Variants in ECT2L observed in about 807,000 individuals in gnomAD.
ECT2L encodes epithelial cell-transforming sequence 2 oncogene-like.
ECT2L carries 126 observed loss-of-function variants against 122.8 expected under a neutral mutation model. That is an observed-to-expected ratio of 1.03 (90% CI 0.89 to 1.19). The LOEUF (loss-of-function observed/expected upper bound fraction) is 1.19, where lower values mean the gene tolerates loss of function less well. Among genes scored for constraint, ECT2L ranks in the 50% most tolerant of loss-of-function variants. The probability of loss-of-function intolerance (pLI) is 0.00; values close to 1 mark genes in which losing one functional copy is unlikely to be tolerated. For missense variants in ECT2L, 1,012 were observed against 1,064.1 expected (o/e 0.95, Z 0.68); for synonymous variants, 385 against 381.8 (o/e 1.01, Z -0.10).
intron 5 of ECT2L, among the ~76,000 whole-genome samples, chr6:138,842,708 C>A (rs993123617): frequency 6.8e-6 from 1 of 146,048 alleles, no homozygotes; most frequent in African/African-American, 2.5e-5. Flanking sequence ...GGAGGCGGAG[C>A]TTGCAATGAG....
chr6:138,843,126 T>C lies in ECT2L; in HGVS notation c.490T>C (p.Tyr164His), dbSNP rs1203242924. 1 of 1,614,034 alleles carries C rather than the reference T, an allele frequency of 6.2e-7. No individual in the cohort carries two copies. Among genetic ancestry groups the C allele is most frequent in the Non-Finnish European group, 8.5e-7 (1 of 1,180,000 alleles). ...GACACCTAGGGAGGCTGCTGCTACT[T>C]ATGGGACGCTGAATGAACCCAAAAC... ...WLTPREAAAT[Y>H]GTLNEPKTED... The change falls in exon 6 of 22, where the codon TAT (tyrosine) becomes CAT (histidine). Residue 164 changes from tyrosine (Y) to histidine (H), a missense_variant. Coordinates refer to ENST00000541398, the MANE Select transcript of ECT2L (RefSeq NM_001077706.3).
chr6:138,806,510 GC>G (rs1390975676), intron 1 of ECT2L, among the ~76,000 whole-genome samples: 3 of 30,892 alleles, frequency 9.7e-5, no homozygotes, highest in Non-Finnish European at 1.5e-4. Flanking sequence ...GAAAATTCAC[GC>G]TTTTTTTTTT....
chr6:138,820,869 C>T (rs1190320437), intron 4 of ECT2L, among the ~76,000 whole-genome samples: 2 of 152,192 alleles, frequency 1.3e-5, no homozygotes, highest in Non-Finnish European at 2.9e-5. Context: ...CTTCCTTCTA[C>T]CAAAGGAAAG....
rs763056875 is a variant in ECT2L at position 138,903,784 on chromosome 6, GC to G, written c.*1158del. The G allele has an allele frequency of 3.9e-5, 6 of 152,124 alleles. No individual in the cohort carries two copies. Among genetic ancestry groups the G allele is most frequent in the Non-Finnish European group, 8.8e-5 (6 of 68,022 alleles). 9.4% of individuals were successfully genotyped at this position (152,124 alleles called of 1,614,324 possible). A position where few individuals can be genotyped will look rare whatever the true frequency, so the allele number is the denominator to read the frequency against. On this transcript the variant is annotated 3_prime_UTR_variant, in exon 22 of 22. Transcript: ENST00000541398. ...TACTGAAAGCCACTTGGAAACTTCAGCTGATGTATATTTTTACCTAGATATT... is the reference window on the plus strand; with the variant it reads ...TACTGAAAGCCACTTGGAAACTTCAGTGATGTATATTTTTACCTAGATATT...
intron 14 of ECT2L, among the ~76,000 whole-genome samples, chr6:138,878,195 G>C (rs565688769): frequency 7.9e-5 from 12 of 151,894 alleles, no homozygotes; most frequent in Non-Finnish European, 1.2e-4. Flanking sequence ...ACATATAAGA[G>C]GTATGTACGA....
At chr6:138,832,461 TTTC>T (rs1349098100) in intron 4 of ECT2L, among the ~76,000 whole-genome samples, 4 of 151,984 alleles carry the variant, frequency 2.6e-5, no homozygotes, top group Non-Finnish European at 4.4e-5. Context: ...ACCCCTTGGG[TTTC>T]TTATTTTCTC....
chr6:138,873,838 C>A (rs1002001143), intron 13 of ECT2L, among the ~76,000 whole-genome samples: 4 of 148,788 alleles, frequency 2.7e-5, no homozygotes, highest in African/African-American at 7.6e-5. Context: ...CCCAGAGAGG[C>A]TTGTGTAATA....
intron 12 of ECT2L, 95 bp downstream of exon 12, chr6:138,865,273 T>A: frequency 7.9e-7 from 1 of 1,272,472 alleles, no homozygotes; most frequent in Non-Finnish European, 1.1e-6. Flanking sequence ...AGTAAAATTT[T>A]ACTCTTGAAC....
At chr6:138,807,609 C>T (rs1335147769) in intron 1 of ECT2L, among the ~76,000 whole-genome samples, 1 of 152,146 alleles carries the variant, frequency 6.6e-6, no homozygotes, top group Admixed American at 6.5e-5. Flanking sequence ...TAAATTATGG[C>T]AATAATCTAC....
At position 138,819,251 on chromosome 6, in the gene ECT2L, AGG is replaced by A. The variant is rs368400944; in HGVS notation, c.179+4649_179+4650del. Among the ~76,000 whole-genome samples, 365 of 57,746 alleles carry A rather than the reference AGG, an allele frequency of 6.3e-3. 3 individuals are homozygous for A. Among genetic ancestry groups the A allele is most frequent in the East Asian group, 0.052 (49 of 936 alleles). 37.9% of individuals were successfully genotyped at this position (57,746 alleles called of 152,430 possible). On this transcript the variant is annotated intron_variant, in intron 4 of 21. Transcript: ENST00000541398. Reference sequence around the variant, plus strand: ...GATGCTTAAAAAAAAAAAAAAAAAAAGGAAATCATTGCGTTTTAAAAGGAAGG... The same window carrying A: ...GATGCTTAAAAAAAAAAAAAAAAAAAAAATCATTGCGTTTTAAAAGGAAGG...
intron 14 of ECT2L, among the ~76,000 whole-genome samples, chr6:138,877,415 T>C (rs73778428): frequency 0.041 from 6,194 of 152,274 alleles, 133 homozygotes; most frequent in Middle Eastern, 0.11. Flanking sequence ...TAATACCTCA[T>C]AGTGGTTTCA....
At chr6:138,895,662 CG>C (rs1349036210) in intron 20 of ECT2L, among the ~76,000 whole-genome samples, 1 of 151,106 alleles carries the variant, frequency 6.6e-6, no homozygotes, top group East Asian at 1.9e-4. Flanking sequence ...CCTCTGCCTC[CG>C]GGGTTCAAGC....
chr6:138,882,937 C>T (rs759675522), intron 16 of ECT2L, 66 bp downstream of exon 16: 92 of 1,536,044 alleles, frequency 6.0e-5, no homozygotes, highest in Middle Eastern at 1.9e-4. Context: ...GTGTGGAACC[C>T]GAAAGACCAG....
chr6:138,825,441 G>T (rs1044985313), intron 4 of ECT2L, among the ~76,000 whole-genome samples: 1 of 151,660 alleles, frequency 6.6e-6, no homozygotes, highest in African/African-American at 2.4e-5. Context: ...TACTAGCCAG[G>T]TGTGGTGGGG....
In ECT2L at chr6:138,885,493, C is replaced by G; in HGVS notation, c.2029-13C>G. 1 of 1,613,422 alleles carries G rather than the reference C, an allele frequency of 6.2e-7. No individual in the cohort carries two copies. The highest frequency in any genetic ancestry group is 1.3e-5 in the African/African-American group (1 of 75,016). ...TCTCATAAAGTTTTGACAATATAAT[C>G]CTCACCTTTTAGTGCAGAGAAATGA... On this transcript the variant is annotated splice_polypyrimidine_tract_variant and intron_variant, in intron 16 of 21. Coordinates refer to ENST00000541398, the MANE Select transcript of ECT2L (RefSeq NM_001077706.3).
At chr6:138,888,496 T>G (rs745680630) in intron 19 of ECT2L, among the ~76,000 whole-genome samples, 1 of 151,876 alleles carries the variant, frequency 6.6e-6, no homozygotes, top group South Asian at 2.1e-4. Flanking sequence ...GTATTTTTAA[T>G]AGAGACAGGG....
rs145356730 is a variant in ECT2L, at chr6:138,856,458, C to G, written c.1198+2304C>G. 6.4e-3 allele frequency among the ~76,000 whole-genome samples: 968 copies of G among 152,172 alleles called. 10 individuals are homozygous for G. Among genetic ancestry groups the G allele is most frequent in the African/African-American group, 0.022 (925 of 41,504 alleles). On this transcript the variant is annotated intron_variant, in intron 10 of 21. Coordinates refer to ENST00000541398, the MANE Select transcript of ECT2L (RefSeq NM_001077706.3). Reference sequence around the variant, plus strand: ...TAGAACTTCTGACCTCATGATCCGCCCACCTCAGCCTCCCAAAGTGCTGGG... The same window carrying G: ...TAGAACTTCTGACCTCATGATCCGCGCACCTCAGCCTCCCAAAGTGCTGGG...
chr6:138,891,240 T>C (rs1779013249), intron 20 of ECT2L, among the ~76,000 whole-genome samples: 5 of 152,208 alleles, frequency 3.3e-5, no homozygotes, highest in South Asian at 4.1e-4. Flanking sequence ...TAGCAGACCC[T>C]GCAATAAATC....
intron 4 of ECT2L, among the ~76,000 whole-genome samples, chr6:138,824,811 T>C (rs1241550307): frequency 6.6e-6 from 1 of 152,168 alleles, no homozygotes; most frequent in Non-Finnish European, 1.5e-5. Context: ...CTGATCTGGT[T>C]GCCTGTGTTG....
Sources: allele counts gnomAD v4.1 joint callset (sites outside exome capture counted in the v4.1 genomes callset), GRCh38; gene constraint gnomAD v4.1.1; transcripts MANE v1.5; gene names NCBI Gene and HGNC (gene_info 2026-07-23, HGNC 2026-07-21).